Variants in UMOD observed in about 807,000 individuals in gnomAD.
The protein encoded by UMOD is uromodulin, also known as Tamm-Horsfall urinary glycoprotein.
A neutral mutation model predicts 66.0 loss-of-function variants in UMOD; 64 were observed. That is an observed-to-expected ratio of 0.97 (90% CI 0.79 to 1.19). The LOEUF (loss-of-function observed/expected upper bound fraction) is 1.19. Among genes scored for constraint, UMOD ranks in the 50% most tolerant of loss-of-function variants. UMOD has a pLI of 0.00. For synonymous variants in UMOD, 398 were observed against 352.7 expected (o/e 1.13, Z -1.44); for missense variants, 764 against 850.9 (o/e 0.90, Z 1.27).
At chr16:20,349,980 C>T (rs1356972665) in intron 2 of UMOD, 2 of 1,231,746 alleles carry the variant, frequency 1.6e-6, no homozygotes, top group African/African-American at 1.5e-5. Flanking sequence ...TTGTTGAATA[C>T]TTCCCAAGGG....
At chr16:20,340,559 A>G (rs569762351) in intron 7 of UMOD, among the ~76,000 whole-genome samples, 28 of 151,782 alleles carry the variant, frequency 1.8e-4, no homozygotes, top group African/African-American at 6.5e-4. Context: ...AGGTCTAGTG[A>G]AAATTCTAAT....
In UMOD at chr16:20,337,342, G is replaced by A; in HGVS notation, c.1689C>T (p.Tyr563=). ...CACAGAGATAGACTTCACAGTGCAGGTAGACTAGGTCATAGTTTCCAGCAA... is the reference window on the plus strand; with the variant it reads ...CACAGAGATAGACTTCACAGTGCAGATAGACTAGGTCATAGTTTCCAGCAA... The part of the protein sequence containing the change: ...FRFAGNYDLV[Y]LHCEVYLCDT... The change falls in exon 8 of 11, where the codon TAC becomes TAT. Residue 563 remains tyrosine, a synonymous_variant. Coordinates refer to ENST00000396138, the MANE Select transcript of UMOD (RefSeq NM_003361.4). The A allele has an allele frequency of 1.9e-6, 3 of 1,614,204 alleles. No individual in the cohort carries two copies. The highest frequency in any genetic ancestry group is 2.5e-6 in the Non-Finnish European group (3 of 1,180,044).
At chr16:20,350,508 G>C in intron 2 of UMOD, 142 bp downstream of exon 2, 1 of 1,141,684 alleles carries the variant, frequency 8.8e-7, no homozygotes, top group East Asian at 2.6e-5. Flanking sequence ...CTAAGAAATG[G>C]ACTTAGAATG....
At chr16:20,343,366 G>C (rs1276983061) in intron 6 of UMOD, among the ~76,000 whole-genome samples, 2 of 152,122 alleles carry the variant, frequency 1.3e-5, no homozygotes, top group Non-Finnish European at 2.9e-5. Context: ...CACTTGCAAG[G>C]AGCGTAATTT....
At position 20,349,774 on chromosome 16, in the gene UMOD, C is replaced by T. The variant is rs192470377; in HGVS notation, c.89-562G>A. ...TTGCACATTTTATGTTTTCTGCTTC[C>T]CTGGCTGGTGAAATCTTCATCAGGA... On this transcript the variant is annotated intron_variant, in intron 2 of 10. Coordinates refer to ENST00000396138, the MANE Select transcript of UMOD (RefSeq NM_003361.4). The T allele has an allele frequency of 7.5e-6, 10 of 1,341,042 alleles. No individual in the cohort carries two copies. In the East Asian group the frequency reaches 1.7e-4, roughly 23 times the overall value. 83.1% of individuals were successfully genotyped at this position (1,341,042 alleles called of 1,614,324 possible).
intron 7 of UMOD, among the ~76,000 whole-genome samples, chr16:20,340,435 T>A (rs1014457037): frequency 7.0e-6 from 1 of 143,844 alleles, no homozygotes; most frequent in Admixed American, 7.0e-5. Context: ...ATGCATTATA[T>A]CTTTGTGTGT....
At chr16:20,334,017 G>C (rs1964737316) in intron 10 of UMOD, among the ~76,000 whole-genome samples, 1 of 119,782 alleles carries the variant, frequency 8.3e-6, no homozygotes, top group Non-Finnish European at 1.6e-5. Context: ...CTGGGTGACA[G>C]AGCAGATTCC....
At chr16:20,345,428 CTCTTTCTT>C (rs1227169160) in intron 5 of UMOD, among the ~76,000 whole-genome samples, 2 of 65,926 alleles carry the variant, frequency 3.0e-5, no homozygotes, top group East Asian at 5.6e-4. Context: ...TTCTTTCTTT[CTCTTTCTT>C]TCTTTCTTCC....
chr16:20,350,012 T>TAA, intron 2 of UMOD: 1 of 839,030 alleles, frequency 1.2e-6, no homozygotes, highest in Non-Finnish European at 1.7e-6. Context: ...CAGTTTTTTA[T>TAA]GTATCCTTAT....
At chr16:20,334,590 T>C (rs547695762) in intron 10 of UMOD, among the ~76,000 whole-genome samples, 1 of 152,170 alleles carries the variant, frequency 6.6e-6, no homozygotes, top group Non-Finnish European at 1.5e-5. Context: ...TGTGCACATA[T>C]GTACTATTGG....
chr16:20,346,906 AAAGAAAGAAAAAGC>A, intron 4 of UMOD, among the ~76,000 whole-genome samples: 1 of 151,848 alleles, frequency 6.6e-6, no homozygotes, highest in Non-Finnish European at 1.5e-5. Context: ...AGAAAGAAAG[AAAGAAAGAAAAAGC>A]AAGCAAGCTG....
chr16:20,344,330 C>T (rs1233907140), intron 5 of UMOD, among the ~76,000 whole-genome samples, 158 bp from the exon 6 acceptor site: 1 of 152,094 alleles, frequency 6.6e-6, no homozygotes, highest in Non-Finnish European at 1.5e-5. Context: ...TGGCCGGGCG[C>T]ATTAGCTCAC....
intron 1 of UMOD, chr16:20,351,248 G>A (rs933489159): frequency 4.7e-6 from 1 of 211,870 alleles, no homozygotes; most frequent in African/African-American, 2.3e-5. Flanking sequence ...TGCCAAACAG[G>A]GAGCTAGTCA....
intron 9 of UMOD, 93 bp from the exon 10 acceptor site, chr16:20,335,613 G>A (rs982897838): frequency 4.6e-6 from 6 of 1,294,208 alleles, no homozygotes; most frequent in African/African-American, 2.9e-5. Context: ...TTTTCACTTC[G>A]CAGCCAGACT....
At chr16:20,352,259 T>C (rs559583459) in intron 1 of UMOD, among the ~76,000 whole-genome samples, 1 of 152,170 alleles carries the variant, frequency 6.6e-6, no homozygotes, top group Non-Finnish European at 1.5e-5. Flanking sequence ...CTTACTGACA[T>C]ATTCTATTAT....
Position 20,341,140 on chromosome 16 carries a change from G to C in UMOD, c.1528C>G (p.Pro510Ala). 6.2e-7 allele frequency: 1 copy of C among 1,614,152 alleles called. No homozygotes were observed. The highest frequency in any genetic ancestry group is 8.5e-7 in the Non-Finnish European group (1 of 1,180,030). ...ALLMTNCYAT[P>A]SSNATDPLKY... ...AGGGGGTCCGTGGCATTGCTACTGGGTGTGGCATAGCAGTTGGTCATGAGC... is the reference window on the plus strand; with the variant it reads ...AGGGGGTCCGTGGCATTGCTACTGGCTGTGGCATAGCAGTTGGTCATGAGC... The change falls in exon 7 of 11, where the codon CCC becomes GCC. Residue 510 changes from proline to alanine, a missense_variant. Pro to Ala is a conservative substitution (Grantham distance 27, BLOSUM62 -1). Coordinates refer to ENST00000396138, the MANE Select transcript of UMOD (RefSeq NM_003361.4).
At chr16:20,353,965 T>G (rs1965988725), upstream of UMOD, among the ~76,000 whole-genome samples, 1 of 152,178 alleles carries the variant, frequency 6.6e-6, no homozygotes, top group South Asian at 2.1e-4. Flanking sequence ...GTCCAAGTGC[T>G]CTCATTGTTC....
At chr16:20,343,336 T>A (rs1965350171) in intron 6 of UMOD, among the ~76,000 whole-genome samples, 1 of 152,034 alleles carries the variant, frequency 6.6e-6, no homozygotes, top group African/African-American at 2.4e-5. Flanking sequence ...CCAGGGCACC[T>A]CCCTTGGCCC....
rs1964683697 is a variant in UMOD, at chr16:20,333,177, T to A, written c.*137A>T. ...ACAGGCTGTTTCTCGACAGCCAGGA[T>A]TAAAAGGGAGAAAAGAAGGCAGGCT... On this transcript the variant is annotated 3_prime_UTR_variant, in exon 11 of 11. Transcript: ENST00000396138. 1.1e-6 allele frequency: 1 copy of A among 917,320 alleles called. No homozygotes were observed. 56.8% of individuals were successfully genotyped at this position (917,320 alleles called of 1,614,324 possible).
Sources: allele counts gnomAD v4.1 joint callset (sites outside exome capture counted in the v4.1 genomes callset), GRCh38; gene constraint gnomAD v4.1.1; transcripts MANE v1.5; gene names NCBI Gene and HGNC (gene_info 2026-07-23, HGNC 2026-07-21).